The following PRUNE2 variants were observed in gnomAD, a reference collection of about 807,000 sequenced individuals.
PRUNE2 encodes protein prune homolog 2.
In PRUNE2, 164 loss-of-function variants were observed where a neutral mutation model predicts 252.0. The observed-to-expected ratio is 0.65, with a 90% CI of 0.57 to 0.74. PRUNE2 has a LOEUF of 0.74. Among genes scored for constraint, PRUNE2 ranks in the 30% least tolerant of loss-of-function variants. PRUNE2 has a pLI of 0.00. For missense variants in PRUNE2, 3,495 were observed against 3,711.0 expected (o/e 0.94, Z 1.51); for synonymous variants, 1,292 against 1,350.2 (o/e 0.96, Z 0.94).
intron 1 of PRUNE2, among the ~76,000 whole-genome samples, chr9:76,864,537 T>G (rs917860218): frequency 3.3e-5 from 5 of 152,050 alleles, no homozygotes; most frequent in Admixed American, 1.3e-4. Flanking sequence ...TCTTTAAAAG[T>G]AAGAACATTT....
At chr9:76,741,916 A>G (rs894805507) in intron 6 of PRUNE2, among the ~76,000 whole-genome samples, 6 of 152,190 alleles carry the variant, frequency 3.9e-5, no homozygotes, top group Non-Finnish European at 8.8e-5. Flanking sequence ...TGGCTCACCC[A>G]CAACATATAT....
At chr9:76,627,825 G>A (rs753182546) in intron 16 of PRUNE2, 21 of 417,104 alleles carry the variant, frequency 5.0e-5, no homozygotes, top group Non-Finnish European at 8.6e-5. Context: ...ACTAAGTTAC[G>A]TCCCCTGCAT....
At chr9:76,837,783 T>C (rs906429330) in intron 4 of PRUNE2, among the ~76,000 whole-genome samples, 1 of 151,400 alleles carries the variant, frequency 6.6e-6, no homozygotes, top group Non-Finnish European at 1.5e-5. Context: ...ATTTTTTTTT[T>C]TTTTTTGAGA....
chr9:76,807,117 G>A (rs1304187654), intron 6 of PRUNE2, among the ~76,000 whole-genome samples: 1 of 151,674 alleles, frequency 6.6e-6, no homozygotes, highest in Non-Finnish European at 1.5e-5. Context: ...AGGGTGGAGT[G>A]CTGGAGTGCA....
chr9:76,897,521 C>G (rs140742507), intron 1 of PRUNE2, among the ~76,000 whole-genome samples: 1,553 of 148,702 alleles, frequency 0.01, 31 homozygotes, highest in African/African-American at 0.037. Flanking sequence ...TCAAGCAATT[C>G]CCCTGCCTCA....
At chr9:76,685,995 T>G (rs2044042387) in intron 9 of PRUNE2, among the ~76,000 whole-genome samples, 1 of 152,230 alleles carries the variant, frequency 6.6e-6, no homozygotes, top group Non-Finnish European at 1.5e-5. Context: ...TACTTACATG[T>G]ATCCTGCTGC....
chr9:76,621,653 A>C (rs1832370422), intron 17 of PRUNE2, among the ~76,000 whole-genome samples: 1 of 152,074 alleles, frequency 6.6e-6, no homozygotes, highest in Non-Finnish European at 1.5e-5. Flanking sequence ...CAGCAGCATC[A>C]GCATCACTGG....
chr9:76,745,565 C>A (rs1193321668), intron 6 of PRUNE2, among the ~76,000 whole-genome samples: 1 of 152,022 alleles, frequency 6.6e-6, no homozygotes, highest in Non-Finnish European at 1.5e-5. Flanking sequence ...TCTATGATTG[C>A]ACCCCCAACC....
chr9:76,866,766 AG>A (rs2060864037), intron 1 of PRUNE2, among the ~76,000 whole-genome samples: 1 of 152,060 alleles, frequency 6.6e-6, no homozygotes, highest in Admixed American at 6.5e-5. Context: ...AGGAAGGGAA[AG>A]AAAAGAGAGC....
intron 3 of PRUNE2, among the ~76,000 whole-genome samples, chr9:76,847,331 A>G (rs1034766605): frequency 3.5e-4 from 50 of 141,226 alleles, no homozygotes; most frequent in African/African-American, 1.4e-3. Context: ...GTCTCAGGGA[A>G]AAAAAAAAAA....
intron 9 of PRUNE2, chr9:76,687,779 G>A: frequency 4.9e-6 from 1 of 203,412 alleles, no homozygotes; most frequent in Non-Finnish European, 1.1e-5. Context: ...AAATCTAGGA[G>A]GATAAAGAGG....
At chr9:76,890,242 G>A (rs1051728148) in intron 1 of PRUNE2, among the ~76,000 whole-genome samples, 1 of 152,206 alleles carries the variant, frequency 6.6e-6, no homozygotes. Flanking sequence ...AATAACATAT[G>A]TAGCTGCACA....
At position 76,829,225 on chromosome 9, in the gene PRUNE2, G is replaced by A. The variant is rs1346543537; in HGVS notation, c.509-2493C>T. Among the ~76,000 whole-genome samples the A allele has an allele frequency of 4.6e-5, 7 of 152,266 alleles. No individual in the cohort carries two copies. The East Asian group carries it at 1.4e-3, about 29-fold the overall frequency. ...AGCTAAGGTCCTGGAGAGAGGGTAA[G>A]TGCACAGAAGTGAGCCCAACATTTG... On this transcript the variant is annotated intron_variant, in intron 4 of 18. Transcript: ENST00000376718.
At chr9:76,865,260 A>G (rs2060768929) in intron 1 of PRUNE2, among the ~76,000 whole-genome samples, 1 of 152,220 alleles carries the variant, frequency 6.6e-6, no homozygotes, top group African/African-American at 2.4e-5. Context: ...TGAAAGGCTG[A>G]GGCAGGAGGA....
chr9:76,868,626 C>T (rs2060983257), intron 1 of PRUNE2, among the ~76,000 whole-genome samples: 1 of 152,098 alleles, frequency 6.6e-6, no homozygotes, highest in African/African-American at 2.4e-5. Context: ...CTGCCCAGGG[C>T]AACAGCCAAC....
At chr9:76,815,000 T>G (rs564426789) in intron 6 of PRUNE2, among the ~76,000 whole-genome samples, 3 of 152,314 alleles carry the variant, frequency 2.0e-5, no homozygotes, top group African/African-American at 7.2e-5. Flanking sequence ...CCCTGCAGCC[T>G]GTTGATGAAG....
chr9:76,711,150 C>T lies in PRUNE2; in HGVS notation c.1124G>A (p.Ser375Asn). The change falls in exon 8 of 19, where the codon AGT (serine) becomes AAT (asparagine). Residue 375 changes from serine (S) to asparagine (N), a missense_variant. Coordinates refer to ENST00000376718, the MANE Select transcript of PRUNE2 (RefSeq NM_015225.3). ...AGAAGACCCCTGGGAGAGGGGGGCA[C>T]TGCCTGCCACGGCTTCTGTTGAGGA... ...RTSSTEAVAGSAPLSQGSSGI... is the reference protein window; with the variant it reads ...RTSSTEAVAGNAPLSQGSSGI... The T allele has an allele frequency of 6.2e-7, 1 of 1,613,980 alleles. No individual in the cohort carries two copies. Among genetic ancestry groups the T allele is most frequent in the Non-Finnish European group, 8.5e-7 (1 of 1,179,858 alleles).
chr9:76,708,986 T>C lies in PRUNE2; in HGVS notation c.3288A>G (p.Thr1096=). 2 of 1,613,878 alleles carry C rather than the reference T, an allele frequency of 1.2e-6. No individual in the cohort carries two copies. The highest frequency in any genetic ancestry group is 2.2e-5 in the South Asian group (2 of 91,080). The part of the protein sequence containing the change: ...QLYNETNRQL[T]LLHSSTNSRQ... ...GGGAGTTGGTGCTGCTGTGCAAAAG[T>C]GTGAGTTGTCGGTTTGTTTCATTGT... Residue 1096 remains threonine (T), a synonymous_variant, in exon 8 of 19, where the codon ACA becomes ACG. Coordinates refer to ENST00000376718, the MANE Select transcript of PRUNE2 (RefSeq NM_015225.3).
intron 1 of PRUNE2, among the ~76,000 whole-genome samples, chr9:76,874,027 C>T (rs2061356806): frequency 6.6e-6 from 1 of 152,108 alleles, no homozygotes; most frequent in South Asian, 2.1e-4. Flanking sequence ...AGTGCTTGCT[C>T]AGTACATCTC....
Sources: allele counts gnomAD v4.1 joint callset (sites outside exome capture counted in the v4.1 genomes callset), GRCh38; gene constraint gnomAD v4.1.1; transcripts MANE v1.5; gene names NCBI Gene and HGNC (gene_info 2026-07-23, HGNC 2026-07-21).